Variants in FLYWCH1 observed in about 807,000 individuals in gnomAD.
FLYWCH1 encodes the protein FLYWCH-type zinc finger 1, also known as FLYWCH-type zinc finger-containing protein 1.
Under a neutral mutation model 66.4 loss-of-function variants are expected in FLYWCH1, and 75 were observed. That is an observed-to-expected ratio of 1.13 (90% confidence interval 0.94 to 1.37). The LOEUF is 1.37. FLYWCH1 is among the 40% of genes most tolerant of loss of function. The probability of loss-of-function intolerance (pLI) is 0.00; values close to 1 mark genes in which losing one functional copy is unlikely to be tolerated. For synonymous variants in FLYWCH1, 595 were observed against 429.9 expected (o/e 1.38, Z -4.75); for missense variants, 1,334 against 1,001.8 (o/e 1.33, Z -4.48).
chr16:2,946,673 G>A (rs1261077139), intron 9 of FLYWCH1, among the ~76,000 whole-genome samples: 3 of 151,990 alleles, frequency 2.0e-5, no homozygotes, highest in Non-Finnish European at 4.4e-5. Flanking sequence ...ATGGCCAAAG[G>A]ACCTGAATAT....
intron 6 of FLYWCH1, chr16:2,935,185 A>G (rs1029050693): frequency 6.5e-6 from 1 of 152,726 alleles, no homozygotes; most frequent in Admixed American, 6.5e-5. Context: ...GGCCTCCCAA[A>G]GTGCTGGGAT....
In FLYWCH1 at chr16:2,930,740, TG is replaced by T; in HGVS notation, c.659del (p.Gly220AlafsTer17). 1 of 1,554,606 alleles carries T rather than the reference TG, an allele frequency of 6.4e-7. No individual in the cohort carries two copies. On this transcript the variant is annotated frameshift_variant, in exon 4 of 10. Coordinates refer to ENST00000253928, the MANE Select transcript of FLYWCH1 (RefSeq NM_001308068.2). LOFTEE classifies it high-confidence loss of function. ...CGAGTGGAGGAGCCCCTGGAGGGGG[TG>T]GGCCCGTGGCAGTGCCCTGAGGAGC... ...GGRVEEPLEG[V>X]GPWQCPEEPE...
chr16:2,933,217 C>T lies in FLYWCH1; in HGVS notation c.884C>T (p.Ala295Val), dbSNP rs777839097. Residue 295 changes from alanine to valine, a missense_variant, in exon 5 of 10, where the codon GCT becomes GTT. Coordinates refer to ENST00000253928, the MANE Select transcript of FLYWCH1 (RefSeq NM_001308068.2). ...HESFLYKREK[A>V]VGDKVYWTCR... ...TCGTTCCTCTACAAGCGGGAGAAGGCTGTCGGGGACAAGGTGTATTGGACC... is the reference window on the plus strand; with the variant it reads ...TCGTTCCTCTACAAGCGGGAGAAGGTTGTCGGGGACAAGGTGTATTGGACC... The T allele has an allele frequency of 3.1e-6, 5 of 1,613,574 alleles. No homozygotes were observed. In the East Asian group the frequency reaches 8.9e-5, roughly 29 times the overall value.
intron 9 of FLYWCH1, among the ~76,000 whole-genome samples, chr16:2,944,612 C>T (rs1354558841): frequency 6.6e-6 from 1 of 152,056 alleles, no homozygotes; most frequent in African/African-American, 2.4e-5. Flanking sequence ...CCCCTGAGGT[C>T]AGGAGTTCCA....
chr16:2,944,715 T>A (rs1316773725), intron 9 of FLYWCH1, among the ~76,000 whole-genome samples: 3 of 151,370 alleles, frequency 2.0e-5, no homozygotes, highest in Non-Finnish European at 4.4e-5. Context: ...CCCAGCTACT[T>A]GGGAGGCTGA....
At chr16:2,930,138 C>A in intron 3 of FLYWCH1, 128 bp downstream of exon 3, 1 of 861,814 alleles carries the variant, frequency 1.2e-6, no homozygotes, top group Non-Finnish European at 1.8e-6. Context: ...GGTCTCTGAT[C>A]CTGAGCGTGT....
At chr16:2,922,641 A>G (rs2070414670) in intron 2 of FLYWCH1, 1 of 423,662 alleles carries the variant, frequency 2.4e-6, no homozygotes, top group Non-Finnish European at 4.6e-6. Flanking sequence ...ATTTAGAATT[A>G]GCCAGCCGGA....
In FLYWCH1 at chr16:2,930,935, C is replaced by G. The variant is rs955540583; in HGVS notation, c.796+55C>G. On this transcript the variant is annotated intron_variant, in intron 4 of 9. Coordinates refer to ENST00000253928, the MANE Select transcript of FLYWCH1 (RefSeq NM_001308068.2). Reference sequence around the variant, plus strand: ...CACTCGGGGCAGGGGACCCGAGGGCCCTTCCTCAGCCCAAATAGAAATGTG... The same window carrying G: ...CACTCGGGGCAGGGGACCCGAGGGCGCTTCCTCAGCCCAAATAGAAATGTG... 3.8e-6 allele frequency: 5 copies of G among 1,326,856 alleles called. No individual in the cohort carries two copies. The African/African-American group carries it at 7.4e-5, about 20-fold the overall frequency. The allele number at this position is 1,326,856 out of a possible 1,614,324, so 82.2% of individuals were successfully genotyped here.
intron 2 of FLYWCH1, among the ~76,000 whole-genome samples, chr16:2,918,490 G>A (rs1211976844): frequency 6.6e-6 from 1 of 150,528 alleles, no homozygotes; most frequent in Non-Finnish European, 1.5e-5. Context: ...GCCCAGGCTG[G>A]AGTGCAATGG....
Position 2,937,280 on chromosome 16 carries a change from G to A in FLYWCH1, c.1673G>A (p.Arg558Gln), listed in dbSNP as rs753656017. The A allele has an allele frequency of 5.5e-5, 89 of 1,605,254 alleles. No individual in the cohort carries two copies. Among genetic ancestry groups the A allele is most frequent in the Non-Finnish European group, 6.7e-5 (79 of 1,177,056 alleles). The stretch of plus-strand genomic sequence containing the variant: ...AGCCGCGCCATCACCCAGGGCCGGC[G>A]GGTCATGGTCATGCGCAGGCACTGC... ...CRSRAITQGRRVMVMRRHCHP... is the reference protein window; with the variant it reads ...CRSRAITQGRQVMVMRRHCHP... Residue 558 changes from arginine (R) to glutamine (Q), a missense_variant, in exon 7 of 10, where the codon CGG becomes CAG. Transcript: ENST00000253928.
chr16:2,918,372 C>T (rs545039572), intron 2 of FLYWCH1, among the ~76,000 whole-genome samples: 1 of 152,032 alleles, frequency 6.6e-6, no homozygotes, highest in African/African-American at 2.4e-5. Flanking sequence ...TGGTCTCGAT[C>T]TCCTGACCTC....
At chr16:2,934,051 T>G in intron 6 of FLYWCH1, 72 bp downstream of exon 6, 6 of 1,431,290 alleles carry the variant, frequency 4.2e-6, no homozygotes, top group Non-Finnish European at 5.5e-6. Flanking sequence ...TCCCTCTCCA[T>G]GCTGCGGCTC....
chr16:2,930,243 A>G (rs1334018487), intron 3 of FLYWCH1, among the ~76,000 whole-genome samples, 167 bp from the exon 4 acceptor site: 3 of 151,740 alleles, frequency 2.0e-5, no homozygotes, highest in Non-Finnish European at 4.4e-5. Context: ...AACATCCACT[A>G]CCACCCCCAA....
chr16:2,935,683 G>A (rs17603568), intron 6 of FLYWCH1: 31,941 of 151,816 alleles, frequency 0.21, 4,166 homozygotes, highest in Non-Finnish European at 0.28. Context: ...GCCCTTGAAC[G>A]TCCCTGCCGC....
At chr16:2,945,963 C>T (rs2071469878) in intron 9 of FLYWCH1, among the ~76,000 whole-genome samples, 1 of 151,810 alleles carries the variant, frequency 6.6e-6, no homozygotes, top group South Asian at 2.1e-4. Flanking sequence ...CGACACTGCA[C>T]TCCAGCCTGG....
At chr16:2,938,763 C>T (rs2071135453) in intron 8 of FLYWCH1, among the ~76,000 whole-genome samples, 2 of 150,630 alleles carry the variant, frequency 1.3e-5, no homozygotes, top group Non-Finnish European at 1.5e-5. Flanking sequence ...CAGGTGCCTG[C>T]CACCAAGCCC....
At chr16:2,923,153 G>A (rs961899021) in intron 2 of FLYWCH1, 22 of 379,884 alleles carry the variant, frequency 5.8e-5, no homozygotes, top group African/African-American at 3.8e-4. Flanking sequence ...CAACGCTGCC[G>A]CCTTGGCCTT....
intron 3 of FLYWCH1, 37 bp downstream of exon 3, chr16:2,930,047 G>A (rs751202284): frequency 1.0e-5 from 16 of 1,559,882 alleles, no homozygotes; most frequent in East Asian, 2.3e-5. Context: ...CAGCCACCCC[G>A]TGGGTTCCAG....
chr16:2,916,769 T>C (rs1355578395), intron 2 of FLYWCH1, among the ~76,000 whole-genome samples: 6 of 152,218 alleles, frequency 3.9e-5, no homozygotes, highest in East Asian at 1.9e-4. Context: ...TACTTAAAAT[T>C]TGGGCAAATT....
Sources: allele counts gnomAD v4.1 joint callset (sites outside exome capture counted in the v4.1 genomes callset), GRCh38; gene constraint gnomAD v4.1.1; transcripts MANE v1.5; gene names NCBI Gene and HGNC (gene_info 2026-07-23, HGNC 2026-07-21).